Variants in TTN observed in about 807,000 individuals in gnomAD.
The protein encoded by TTN is titin.
In TTN, 1,525 loss-of-function variants were observed where a neutral mutation model predicts 3,223.0. The observed-to-expected ratio is 0.47, with a 90% CI of 0.45 to 0.49. The LOEUF (loss-of-function observed/expected upper bound fraction) is 0.49. TTN is among the 20% of genes least tolerant of loss of function. TTN has a pLI of 0.00. For synonymous variants in TTN, 14,094 were observed against 15,161.0 expected (o/e 0.93, Z 5.17); for missense variants, 40,786 against 43,424.0 (o/e 0.94, Z 5.40).
At position 178,767,829 on chromosome 2, in the gene TTN, T is replaced by A; in HGVS notation, c.9401A>T (p.Asn3134Ile). ...TACAAAGAGTTTTGCAGTTGACACG[T>A]TGCCTCCTGCCACCACTGTGTACTT... ...AGKYTVVAGG[N>I]VSTAKLFVEG... Residue 3134 changes from asparagine to isoleucine, a missense_variant, in exon 40 of 363, where the codon AAC becomes ATC. Physicochemically the swap from Asn to Ile is moderately radical, Grantham distance 149 (BLOSUM62 -3). Transcript: ENST00000589042. 1.2e-6 allele frequency: 2 copies of A among 1,614,170 alleles called. No homozygotes were observed. Among genetic ancestry groups the A allele is most frequent in the Non-Finnish European group, 1.7e-6 (2 of 1,180,004 alleles).
In TTN at chr2:178,617,935, C is replaced by T. The variant is rs773892971; in HGVS notation, c.47416G>A (p.Asp15806Asn). ...ELRDKTSIRWDTAMTVRAEDL... is the reference protein window; with the variant it reads ...ELRDKTSIRWNTAMTVRAEDL... Reference sequence around the variant, plus strand: ...TCAGCTCTCACAGTCATGGCAGTATCCCACCTGATAGAAGTCTTGTCTCTT... The same window carrying T: ...TCAGCTCTCACAGTCATGGCAGTATTCCACCTGATAGAAGTCTTGTCTCTT... Residue 15806 changes from aspartate (D) to asparagine (N), a missense_variant, in exon 253 of 363, where the codon GAT becomes AAT. By Grantham distance (23) the Asp-to-Asn change is conservative. Transcript: ENST00000589042. 6.2e-7 allele frequency: 1 copy of T among 1,612,724 alleles called. No individual in the cohort carries two copies. The highest frequency in any genetic ancestry group is 8.5e-7 in the Non-Finnish European group (1 of 1,179,136).
chr2:178,605,828 C>T (rs978569931), intron 278 of TTN, 115 bp from the exon 279 acceptor site: 2 of 917,098 alleles, frequency 2.2e-6, no homozygotes, highest in African/African-American at 1.7e-5. Context: ...CATAACCTTA[C>T]ATCCTTATTT....
rs1689806469 is a variant in TTN, at chr2:178,532,908, C to T, written c.103707G>A (p.Lys34569=). The T allele has an allele frequency of 1.2e-6, 2 of 1,613,856 alleles. No individual in the cohort carries two copies. The highest frequency in any genetic ancestry group is 1.7e-6 in the Non-Finnish European group (2 of 1,179,884). Residue 34569 remains lysine (K), a synonymous_variant, in exon 358 of 363, where the codon AAG becomes AAA. Transcript: ENST00000589042. ...IKQFVPMSDM[K]WYKKIRDQYE... ...ACTGATCACGTATCTTTTTATACCACTTCATGTCAGACATGGGCACGAACT... is the reference window on the plus strand; with the variant it reads ...ACTGATCACGTATCTTTTTATACCATTTCATGTCAGACATGGGCACGAACT...
Position 178,558,298 on chromosome 2 carries a change from G to A in TTN, c.87118+43C>T, listed in dbSNP as rs374365428. ...TTTCTGAAAATTAACATAAATCAAT[G>A]CAAATAATTTCAAATTTTGCTTCTA... On this transcript the variant is annotated intron_variant, in intron 327 of 362. Transcript: ENST00000589042. The A allele has an allele frequency of 1.8e-5, 28 of 1,592,356 alleles. No homozygotes were observed. The African/African-American group carries it at 3.7e-4, about 21-fold the overall frequency.
intron 43 of TTN, among the ~76,000 whole-genome samples, chr2:178,763,702 C>T (rs182999240): frequency 3.9e-5 from 6 of 152,240 alleles, no homozygotes; most frequent in East Asian, 1.9e-4. Flanking sequence ...AATGAAGCCC[C>T]GACTTTTGAC....
chr2:178,758,202 T>C (rs1279426662), intron 44 of TTN, among the ~76,000 whole-genome samples: 1 of 152,192 alleles, frequency 6.6e-6, no homozygotes, highest in African/African-American at 2.4e-5. Context: ...TCTTTCTTCC[T>C]CTTGTTGTAA....
chr2:178,647,554 T>A, intron 213 of TTN, 90 bp from the exon 214 acceptor site: 1 of 1,256,718 alleles, frequency 8.0e-7, no homozygotes, highest in Non-Finnish European at 1.1e-6. Context: ...GGGCAAGAGC[T>A]TCATCTTAGA....
intron 147 of TTN, among the ~76,000 whole-genome samples, chr2:178,676,978 T>A (rs2068209725): frequency 6.6e-6 from 1 of 151,790 alleles, no homozygotes; most frequent in Non-Finnish European, 1.5e-5. Flanking sequence ...TCAGAACTTT[T>A]GTATCAGTTC....
Position 178,587,701 on chromosome 2 carries a change from G to T in TTN, c.63608C>A (p.Ala21203Asp), listed in dbSNP as rs544707116. The change falls in exon 306 of 363, where the codon GCC (alanine) becomes GAC (aspartate). Residue 21203 changes from alanine to aspartate, a missense_variant. Ala to Asp is a moderately radical substitution (Grantham distance 126). Coordinates refer to ENST00000589042, the MANE Select transcript of TTN (RefSeq NM_001267550.2). ...RLFAIVRGRP[A>D]PKVTWRKVGI... Reference sequence around the variant, plus strand: ...AACTTTTCGCCAAGTGACTTTAGGGGCTGGTCGTCCTCTCACTATAGCAAA... The same window carrying T: ...AACTTTTCGCCAAGTGACTTTAGGGTCTGGTCGTCCTCTCACTATAGCAAA... 1.2e-6 allele frequency: 2 copies of T among 1,612,858 alleles called. No individual in the cohort carries two copies. The highest frequency in any genetic ancestry group is 2.7e-5 in the African/African-American group (2 of 74,934).
chr2:178,589,993 C>G lies in TTN; in HGVS notation c.61732G>C (p.Val20578Leu). The G allele has an allele frequency of 6.2e-7, 1 of 1,613,178 alleles. No individual in the cohort carries two copies. Among genetic ancestry groups the G allele is most frequent in the South Asian group, 1.1e-5 (1 of 91,054 alleles). The part of the protein sequence containing the change: ...DRPGPCQNLK[V>L]TNVTKENCTI... Reference sequence around the variant, plus strand: ...CAGTTCTCTTTGGTTACATTGGTAACCTTCAAATTCTGGCAAGGCCCAGGT... The same window carrying G: ...CAGTTCTCTTTGGTTACATTGGTAAGCTTCAAATTCTGGCAAGGCCCAGGT... The change falls in exon 304 of 363, where the codon GTT becomes CTT. Residue 20578 changes from valine to leucine, a missense_variant. By Grantham distance (32) the Val-to-Leu change is conservative. Transcript: ENST00000589042.
At position 178,793,543 on chromosome 2, in the gene TTN, T is replaced by C; in HGVS notation, c.1399-2A>G. 6.2e-7 allele frequency: 1 copy of C among 1,613,684 alleles called. No individual in the cohort carries two copies. The highest frequency in any genetic ancestry group is 8.5e-7 in the Non-Finnish European group (1 of 1,180,004). ...AGTCTTCTCCGCTTCCTTTCTTACC[T>C]GCTTTTCATAGAGAAAGGAAGAAAA... On this transcript the variant is annotated splice_acceptor_variant, in intron 8 of 362. Coordinates refer to ENST00000589042, the MANE Select transcript of TTN (RefSeq NM_001267550.2). LOFTEE classifies it high-confidence loss of function.
At position 178,532,658 on chromosome 2, in the gene TTN, G is replaced by T. The variant is rs773002407; in HGVS notation, c.103957C>A (p.Arg34653Ser). 3.1e-6 allele frequency: 5 copies of T among 1,613,822 alleles called. No homozygotes were observed. Among genetic ancestry groups the T allele is most frequent in the South Asian group, 1.1e-5 (1 of 91,086 alleles). The change falls in exon 358 of 363, where the codon CGT becomes AGT. Residue 34653 changes from arginine (R) to serine (S), a missense_variant. Coordinates refer to ENST00000589042, the MANE Select transcript of TTN (RefSeq NM_001267550.2). ...DYDFYYRPRR[R>S]SLGDISDEEL... is the part of the protein sequence containing the mutation. ...TCATCAGAGATGTCCCCAAGAGAAC[G>T]TCTTCTAGGTCGGTAGTAAAAGTCA...
Position 178,764,271 on chromosome 2 carries a change from C to T in TTN, c.10020G>A (p.Met3340Ile). The T allele has an allele frequency of 6.2e-7, 1 of 1,614,008 alleles. No individual in the cohort carries two copies. Among genetic ancestry groups the T allele is most frequent in the Non-Finnish European group, 8.5e-7 (1 of 1,179,980 alleles). ...VPEVVSPDQE[M>I]PVYPPAIITP... is the part of the protein sequence containing the mutation. ...TGATGATGGCAGGTGGATAAACAGG[C>T]ATTTCCTGATCAGGAGACACAACTT... Residue 3340 changes from methionine to isoleucine, a missense_variant, in exon 43 of 363, where the codon ATG becomes ATA. Transcript: ENST00000589042.
At position 178,615,462 on chromosome 2, in the gene TTN, A is replaced by G. The variant is rs1301618072; in HGVS notation, c.48483T>C (p.Asn16161=). The G allele has an allele frequency of 6.2e-7, 1 of 1,612,064 alleles. No homozygotes were observed. Among genetic ancestry groups the G allele is most frequent in the African/African-American group, 1.3e-5 (1 of 74,776 alleles). Residue 16161 remains asparagine (N), a synonymous_variant, in exon 259 of 363, where the codon AAT becomes AAC. Transcript: ENST00000589042. ...TGGCTGTTCGATCTCTCCATTTAAC[A>G]TTCTCTGGTGGGTCAGGTACCGCTA... ...TPATVPDPPE[N]VKWRDRTANS...
At position 178,717,676 on chromosome 2, in the gene TTN, A is replaced by G; in HGVS notation, c.25198T>C (p.Leu8400=). Residue 8400 remains leucine (L), a synonymous_variant, in exon 87 of 363, where the codon TTG becomes CTG. Transcript: ENST00000589042. ...GTCTGCAAATTAGCATCATCTTTCA[A>G]AAGAACCCCATCCTTGTACCAAGAC... ...QVSWYKDGVL[L]KDDANLQTSF... 1 of 1,613,486 alleles carries G rather than the reference A, an allele frequency of 6.2e-7. No homozygotes were observed. Among genetic ancestry groups the G allele is most frequent in the Non-Finnish European group, 8.5e-7 (1 of 1,179,622 alleles).
Position 178,651,502 on chromosome 2 carries a change from C to G in TTN, c.39498G>C (p.Lys13166Asn). 1.2e-6 allele frequency: 2 copies of G among 1,612,984 alleles called. No individual in the cohort carries two copies. Among genetic ancestry groups the G allele is most frequent in the African/African-American group, 1.3e-5 (1 of 74,962 alleles). ...PEVPKEVVPE[K>N]KVPLVVPKKP... ...TTTTGGGAACCACCAGAGGCACCTT[C>G]TTTTCAGGAACAACCTCCTTGGGCA... Residue 13166 changes from lysine to asparagine, a missense_variant, in exon 207 of 363, where the codon AAG becomes AAC. Physicochemically the swap from Lys to Asn is moderately conservative, Grantham distance 94 (BLOSUM62 0). Coordinates refer to ENST00000589042, the MANE Select transcript of TTN (RefSeq NM_001267550.2).
chr2:178,691,382 C>G (rs372616174), intron 121 of TTN, among the ~76,000 whole-genome samples: 34 of 152,312 alleles, frequency 2.2e-4, no homozygotes, highest in African/African-American at 7.5e-4. Context: ...AGCACATTTT[C>G]ATTCAAACAT....
chr2:178,566,195 G>A lies in TTN; in HGVS notation c.79937C>T (p.Thr26646Ile), dbSNP rs1231567594. The change falls in exon 326 of 363, where the codon ACC (threonine) becomes ATC (isoleucine). Residue 26646 changes from threonine to isoleucine, a missense_variant. Transcript: ENST00000589042. The stretch of plus-strand genomic sequence containing the variant: ...ATCACAGTTATCTATTGATAGTTGG[G>A]TATAGTTTACTCCCTTTTCAATTTG... ...KVQIEKGVNY[T>I]QLSIDNCDRN... 1.2e-6 allele frequency: 2 copies of A among 1,613,556 alleles called. No homozygotes were observed. The highest frequency in any genetic ancestry group is 3.3e-5 in the Admixed American group (2 of 59,962).
Position 178,604,055 on chromosome 2 carries a change from G to A in TTN, c.54632C>T (p.Pro18211Leu), listed in dbSNP as rs764772164. The change falls in exon 282 of 363, where the codon CCT becomes CTT. Residue 18211 changes from proline (P) to leucine (L), a missense_variant. Coordinates refer to ENST00000589042, the MANE Select transcript of TTN (RefSeq NM_001267550.2). The part of the protein sequence containing the change: ...YWLEKREEGS[P>L]YWSRVSRAPI... ...TGCTCGGCTAACACGTGACCAATAA[G>A]GACTTCCCTCTTCTCTTTTCTCCAG... 1.9e-6 allele frequency: 3 copies of A among 1,612,872 alleles called. No individual in the cohort carries two copies. Among genetic ancestry groups the A allele is most frequent in the Admixed American group, 1.7e-5 (1 of 59,966 alleles).
Sources: gnomAD v4.1 joint callset for allele counts (sites outside exome capture counted in the v4.1 genomes callset) on GRCh38, gnomAD v4.1.1 for gene constraint, MANE v1.5 for transcripts, NCBI Gene and HGNC (gene_info 2026-07-23, HGNC 2026-07-21) for gene names.